The following SLC36A3 variants were observed in gnomAD, a reference collection of about 807,000 sequenced individuals.
SLC36A3 encodes proton-coupled amino acid transporter 3.
SLC36A3 carries 35 observed loss-of-function variants against 44.3 expected under a neutral mutation model. The ratio of observed to expected loss-of-function variants is 0.79; its 90% CI spans 0.60 to 1.05. The LOEUF (loss-of-function observed/expected upper bound fraction) is 1.05. Ranked by LOEUF, SLC36A3 falls within the 50% of genes least tolerant of loss-of-function variation. The pLI is 0.00. For missense variants in SLC36A3, 540 were observed against 578.7 expected, an observed-to-expected ratio of 0.93 and a Z score of 0.69; for synonymous variants, 211 against 227.6, an observed-to-expected ratio of 0.93 and a Z score of 0.66.
chr5:151,294,571 A>G (rs1032008987), intron 3 of SLC36A3, among the ~76,000 whole-genome samples: 3 of 152,098 alleles, frequency 2.0e-5, no homozygotes, highest in Non-Finnish European at 4.4e-5. Context: ...AAGAAGGCAG[A>G]GATTTTTTTG....
rs574253903 is a variant in SLC36A3, at chr5:151,282,388, G to A, written c.975-1205C>T. On this transcript the variant is annotated intron_variant, in intron 8 of 9. Coordinates refer to ENST00000335230, the MANE Select transcript of SLC36A3 (RefSeq NM_181774.4). Reference sequence around the variant, plus strand: ...TCTCTATGTTGGTCTGGCTGGTCGCGAACTCCCAACCTCAGGTGATACGCC... The same window carrying A: ...TCTCTATGTTGGTCTGGCTGGTCGCAAACTCCCAACCTCAGGTGATACGCC... Among the ~76,000 whole-genome samples, 8 of 151,994 alleles carry A rather than the reference G, an allele frequency of 5.3e-5. No individual in the cohort carries two copies. In the South Asian group the frequency reaches 1.0e-3, roughly 20 times the overall value.
At chr5:151,291,520 T>G (rs1364514785) in intron 4 of SLC36A3, among the ~76,000 whole-genome samples, 1 of 152,196 alleles carries the variant, frequency 6.6e-6, no homozygotes, top group Non-Finnish European at 1.5e-5. Context: ...TCCTATTTTT[T>G]CTATTTGGTT....
chr5:151,299,679 C>G (rs562098024), intron 1 of SLC36A3, among the ~76,000 whole-genome samples: 2 of 152,230 alleles, frequency 1.3e-5, no homozygotes, highest in South Asian at 4.1e-4. Flanking sequence ...GAGATGGGAG[C>G]ACTTAATTCT....
chr5:151,301,231 A>C (rs939502071), intron 1 of SLC36A3, among the ~76,000 whole-genome samples: 27 of 152,122 alleles, frequency 1.8e-4, no homozygotes, highest in Non-Finnish European at 1.5e-5. Flanking sequence ...CCCCTTTCCC[A>C]AAAAGACCCC....
At chr5:151,292,289 G>T (rs943978417) in intron 4 of SLC36A3, among the ~76,000 whole-genome samples, 1 of 152,134 alleles carries the variant, frequency 6.6e-6, no homozygotes, top group African/African-American at 2.4e-5. Context: ...TCATTAGAGT[G>T]GCTCCTGATC....
At chr5:151,299,976 T>C (rs1755115739) in intron 1 of SLC36A3, among the ~76,000 whole-genome samples, 1 of 152,156 alleles carries the variant, frequency 6.6e-6, no homozygotes, top group Non-Finnish European at 1.5e-5. Context: ...AGAAAGCGCA[T>C]CCTTCAAGAG....
At chr5:151,279,253 C>T (rs766819495) in intron 9 of SLC36A3, among the ~76,000 whole-genome samples, 6 of 152,192 alleles carry the variant, frequency 3.9e-5, no homozygotes, top group East Asian at 1.9e-4. Context: ...CTTCTACTTA[C>T]GATCTTAACC....
At chr5:151,280,927 A>T in intron 9 of SLC36A3, 87 bp downstream of exon 9, 2 of 1,527,384 alleles carry the variant, frequency 1.3e-6, no homozygotes, top group Non-Finnish European at 1.8e-6. Context: ...AAAGAAGGCA[A>T]GTGGCAGATC....
chr5:151,289,451 A>G (rs6897120), intron 4 of SLC36A3, among the ~76,000 whole-genome samples: 23,240 of 151,730 alleles, frequency 0.15, 2,292 homozygotes, highest in African/African-American at 0.28. Flanking sequence ...AGCCATGATC[A>G]CACCACTACA....
At chr5:151,286,698 A>G (rs1410900545) in intron 6 of SLC36A3, among the ~76,000 whole-genome samples, 1 of 152,162 alleles carries the variant, frequency 6.6e-6, no homozygotes, top group Non-Finnish European at 1.5e-5. Flanking sequence ...GTTCAGATCC[A>G]TGGATGTGGA....
chr5:151,303,683 G>T lies in SLC36A3; in HGVS notation c.-329C>A, dbSNP rs1755242512. ...CTCTCCTAGTTTAGCCCTTGCTGCT[G>T]TAGGGCAAAGTGAACAGTGTGACTG... On this transcript the variant is annotated 5_prime_UTR_variant, in exon 1 of 10. Transcript: ENST00000335230. 4.3e-6 allele frequency: 1 copy of T among 232,750 alleles called. No homozygotes were observed. Among genetic ancestry groups the T allele is most frequent in the African/African-American group, 2.2e-5 (1 of 44,844 alleles). The allele number at this position is 232,750 out of a possible 1,614,324, so 14.4% of individuals were successfully genotyped here. A position where few individuals can be genotyped will look rare whatever the true frequency, so the allele number is the denominator to read the frequency against.
chr5:151,288,076 T>C (rs769390676), intron 5 of SLC36A3, among the ~76,000 whole-genome samples: 3 of 152,208 alleles, frequency 2.0e-5, no homozygotes, highest in Non-Finnish European at 2.9e-5. Flanking sequence ...ATCTTCTACA[T>C]GACAACCTTG....
intron 1 of SLC36A3, among the ~76,000 whole-genome samples, chr5:151,301,729 TA>T (rs5872199): frequency 0.65 from 88,872 of 136,730 alleles, 28,504 homozygotes; most frequent in East Asian, 0.9. Context: ...AGACTCCGTC[TA>T]AAAAAAAAAA....
rs773678437 is a variant in SLC36A3 at position 151,284,190 on chromosome 5, C to A, written c.828G>T (p.Gln276His). ...AAGAAAACTGCTGTGGATGCTTCATCTGGTTTTTGAGAGGCAGAACCTGGA... is the reference window on the plus strand; with the variant it reads ...AAGAAAACTGCTGTGGATGCTTCATATGGTTTTTGAGAGGCAGAACCTGGA... The part of the protein sequence containing the change: ...GVGMVLPLKN[Q>H]MKHPQQFSFV... Residue 276 changes from glutamine (Q) to histidine (H), a missense_variant, in exon 8 of 10, where the codon CAG becomes CAT. Gln to His is a conservative substitution (Grantham distance 24). Coordinates refer to ENST00000335230, the MANE Select transcript of SLC36A3 (RefSeq NM_181774.4). The A allele has an allele frequency of 6.2e-7, 1 of 1,607,596 alleles. No individual in the cohort carries two copies. The highest frequency in any genetic ancestry group is 8.5e-7 in the Non-Finnish European group (1 of 1,177,960).
At chr5:151,278,378 C>T (rs1053297945) in intron 9 of SLC36A3, among the ~76,000 whole-genome samples, 1 of 150,410 alleles carries the variant, frequency 6.6e-6, no homozygotes, top group Non-Finnish European at 1.5e-5. Flanking sequence ...CACAGATTTT[C>T]CAAGGGAGTC....
chr5:151,298,503 C>T lies in SLC36A3; in HGVS notation c.219+90G>A, dbSNP rs917855066. Reference sequence around the variant, plus strand: ...AATTGCAGAGGGTACCCCCAAATTGCCCATTGATAACAGTGTGAAGGCCTT... The same window carrying T: ...AATTGCAGAGGGTACCCCCAAATTGTCCATTGATAACAGTGTGAAGGCCTT... On this transcript the variant is annotated intron_variant, in intron 2 of 9. Coordinates refer to ENST00000335230, the MANE Select transcript of SLC36A3 (RefSeq NM_181774.4). 3.9e-6 allele frequency: 5 copies of T among 1,266,374 alleles called. 1 individual carries two copies. The South Asian group carries it at 5.3e-5, about 13-fold the overall frequency. 78.4% of individuals were successfully genotyped at this position (1,266,374 alleles called of 1,614,324 possible). A position where few individuals can be genotyped will look rare whatever the true frequency, so the allele number is the denominator to read the frequency against.
intron 8 of SLC36A3, among the ~76,000 whole-genome samples, chr5:151,282,356 CG>C (rs1360033326): frequency 6.6e-6 from 1 of 151,748 alleles, no homozygotes; most frequent in African/African-American, 2.4e-5. Context: ...TTAGTAGAGA[CG>C]GGGTTTCTCT....
intron 4 of SLC36A3, among the ~76,000 whole-genome samples, chr5:151,290,235 C>T (rs1754706590): frequency 6.6e-6 from 1 of 152,078 alleles, no homozygotes; most frequent in African/African-American, 2.4e-5. Flanking sequence ...TAGATAAGGG[C>T]TTTTCAAAAT....
intron 9 of SLC36A3, among the ~76,000 whole-genome samples, chr5:151,280,610 G>T (rs1209344928): frequency 1.3e-5 from 2 of 152,186 alleles, no homozygotes; most frequent in African/African-American, 4.8e-5. Context: ...CACAATCTGT[G>T]TTCAAATCCC....
Sources: gnomAD v4.1 joint callset for allele counts (sites outside exome capture counted in the v4.1 genomes callset) on GRCh38, gnomAD v4.1.1 for gene constraint, MANE v1.5 for transcripts, NCBI Gene and HGNC (gene_info 2026-07-23, HGNC 2026-07-21) for gene names.